ITGA9: variants seen among roughly 807,000 people sequenced by gnomAD.
The protein encoded by ITGA9 is integrin alpha-9.
A neutral mutation model predicts 127.8 loss-of-function variants in ITGA9; 56 were observed. The ratio of observed to expected loss-of-function variants is 0.44; its 90% CI spans 0.35 to 0.55. ITGA9 has a LOEUF of 0.55. ITGA9 is among the 20% of genes least tolerant of loss of function. The probability of loss-of-function intolerance (pLI) is 0.00; values close to 1 mark genes in which losing one functional copy is unlikely to be tolerated. For synonymous variants in ITGA9, 508 were observed against 514.5 expected (o/e 0.99, Z 0.17); for missense variants, 1,196 against 1,347.1 (o/e 0.89, Z 1.76).
chr3:37,620,214 A>G (rs1259460500), intron 15 of ITGA9, among the ~76,000 whole-genome samples: 2 of 152,236 alleles, frequency 1.3e-5, no homozygotes, highest in Non-Finnish European at 2.9e-5. Context: ...ACAGGGCGTC[A>G]CTTGCAGGCT....
At chr3:37,487,748 A>T (rs115562982) in intron 4 of ITGA9, among the ~76,000 whole-genome samples, 255 of 152,136 alleles carry the variant, frequency 1.7e-3, no homozygotes, top group Non-Finnish European at 2.9e-3. Flanking sequence ...AGTGTGTAGT[A>T]GGTTTCTTTG....
At position 37,780,091 on chromosome 3, in the gene ITGA9, TA is replaced by T. The variant is rs1306335494; in HGVS notation, c.2787+78del. ...TGAATTGTTGACATCTGATTTTGGG[TA>T]AAAAAAAGGAAAAAGGAAAGCATTT... On this transcript the variant is annotated intron_variant, in intron 25 of 27. Coordinates refer to ENST00000264741, the MANE Select transcript of ITGA9 (RefSeq NM_002207.3). 131 of 1,583,310 alleles carry T rather than the reference TA, an allele frequency of 8.3e-5. 1 individual carries two copies. The highest frequency in any genetic ancestry group is 1.7e-4 in the Middle Eastern group (1 of 5,994).
intron 26 of ITGA9, among the ~76,000 whole-genome samples, chr3:37,787,630 G>GA (rs201518470): frequency 0.063 from 9,373 of 149,790 alleles, 332 homozygotes; most frequent in Non-Finnish European, 0.083. Context: ...TTCCTGGCAG[G>GA]AAAAAAAAAA....
At chr3:37,496,352 C>G (rs1395982385) in intron 5 of ITGA9, among the ~76,000 whole-genome samples, 1 of 152,160 alleles carries the variant, frequency 6.6e-6, no homozygotes, top group African/African-American at 2.4e-5. Context: ...AATGGCACCG[C>G]CAATCATCCT....
chr3:37,793,151 C>A (rs1029198998), intron 26 of ITGA9, among the ~76,000 whole-genome samples: 8 of 151,780 alleles, frequency 5.3e-5, no homozygotes, highest in Non-Finnish European at 8.8e-5. Context: ...GAACCCATTT[C>A]TAAATTGAAA....
At chr3:37,770,704 A>T (rs1696832001) in intron 23 of ITGA9, among the ~76,000 whole-genome samples, 1 of 152,154 alleles carries the variant, frequency 6.6e-6, no homozygotes, top group Admixed American at 6.5e-5. Context: ...TTCATGAAGC[A>T]AGGTCTTGCC....
intron 15 of ITGA9, among the ~76,000 whole-genome samples, chr3:37,604,999 C>T (rs1699955142): frequency 6.6e-6 from 1 of 152,128 alleles, no homozygotes; most frequent in Non-Finnish European, 1.5e-5. Context: ...CTTCACAGAC[C>T]TTACCGTCTA....
chr3:37,481,653 C>A, intron 4 of ITGA9, 46 bp downstream of exon 4: 1 of 1,611,842 alleles, frequency 6.2e-7, no homozygotes, highest in Middle Eastern at 1.7e-4. Context: ...CACCTCATGC[C>A]CTAAGCCCGC....
chr3:37,663,497 C>T (rs977650450), intron 17 of ITGA9, among the ~76,000 whole-genome samples: 7 of 152,040 alleles, frequency 4.6e-5, no homozygotes, highest in African/African-American at 1.4e-4. Flanking sequence ...GGTGGTGGGG[C>T]GAAGTGCATT....
At chr3:37,578,091 A>C (rs183161271) in intron 15 of ITGA9, among the ~76,000 whole-genome samples, 2 of 152,338 alleles carry the variant, frequency 1.3e-5, no homozygotes, top group East Asian at 3.9e-4. Flanking sequence ...TTTTAGTTCT[A>C]GAAAGAATTG....
chr3:37,538,357 G>GT (rs1699232226), intron 14 of ITGA9, among the ~76,000 whole-genome samples: 3 of 152,350 alleles, frequency 2.0e-5, no homozygotes, highest in Admixed American at 1.3e-4. Context: ...GGAAGCAGCC[G>GT]GGGGCAGGGC....
chr3:37,574,728 G>A (rs1405364884), intron 15 of ITGA9, among the ~76,000 whole-genome samples: 1 of 152,148 alleles, frequency 6.6e-6, no homozygotes, highest in African/African-American at 2.4e-5. Context: ...AACCACTTAA[G>A]GTCACAGGCG....
intron 15 of ITGA9, among the ~76,000 whole-genome samples, chr3:37,602,372 G>A (rs1699930131): frequency 6.6e-6 from 1 of 152,064 alleles, no homozygotes; most frequent in Non-Finnish European, 1.5e-5. Flanking sequence ...ATGAATAGGA[G>A]ATATAAAACT....
chr3:37,466,641 A>G (rs1187960635), intron 1 of ITGA9, among the ~76,000 whole-genome samples: 2 of 152,182 alleles, frequency 1.3e-5, no homozygotes, highest in African/African-American at 4.8e-5. Flanking sequence ...AGATAGTTAC[A>G]TAGTACTTCT....
At chr3:37,466,544 G>C (rs1236807309) in intron 1 of ITGA9, among the ~76,000 whole-genome samples, 2 of 146,096 alleles carry the variant, frequency 1.4e-5, no homozygotes, top group African/African-American at 2.5e-5. Flanking sequence ...TCTTTAACTG[G>C]GGATGGGATA....
chr3:37,565,251 G>GT (rs770060852), intron 15 of ITGA9, among the ~76,000 whole-genome samples: 2 of 152,194 alleles, frequency 1.3e-5, no homozygotes, highest in Non-Finnish European at 2.9e-5. Flanking sequence ...TCCCTTGCCT[G>GT]TTTTTTTAGG....
At chr3:37,566,336 C>A (rs914704063) in intron 15 of ITGA9, among the ~76,000 whole-genome samples, 1 of 152,124 alleles carries the variant, frequency 6.6e-6, no homozygotes, top group Non-Finnish European at 1.5e-5. Flanking sequence ...CCATCCTGGG[C>A]AGTATGGCAT....
intron 15 of ITGA9, among the ~76,000 whole-genome samples, chr3:37,555,962 C>T (rs1699426674): frequency 6.6e-6 from 1 of 152,166 alleles, no homozygotes; most frequent in Non-Finnish European, 1.5e-5. Flanking sequence ...TGGTATTGCT[C>T]AGTGGGAAAG....
chr3:37,657,913 A>G (rs1048495282), intron 17 of ITGA9, among the ~76,000 whole-genome samples: 2 of 152,148 alleles, frequency 1.3e-5, no homozygotes, highest in African/African-American at 4.8e-5. Context: ...CATTGGTTTC[A>G]AAGAACTTAT....
Sources: gnomAD v4.1 joint callset for allele counts (sites outside exome capture counted in the v4.1 genomes callset) on GRCh38, gnomAD v4.1.1 for gene constraint, MANE v1.5 for transcripts, NCBI Gene and HGNC (gene_info 2026-07-23, HGNC 2026-07-21) for gene names.